The following GRM7 variants were observed in gnomAD, a reference collection of about 807,000 sequenced individuals.
GRM7 encodes metabotropic glutamate receptor 7.
In GRM7, 35 loss-of-function variants were observed where a neutral mutation model predicts 84.5. That is an observed-to-expected ratio of 0.41 (90% confidence interval 0.32 to 0.55). The LOEUF (loss-of-function observed/expected upper bound fraction) is 0.55, where lower values mean the gene tolerates loss of function less well. GRM7 is among the 20% of genes least tolerant of loss of function. The pLI, the probability that GRM7 is intolerant of heterozygous loss-of-function variation, is 0.19. For missense variants in GRM7, 1,003 were observed against 1,194.6 expected (o/e 0.84, Z 2.36); for synonymous variants, 487 against 455.1 (o/e 1.07, Z -0.89).
At chr3:6,965,508 T>C (rs1281378392) in intron 1 of GRM7, among the ~76,000 whole-genome samples, 3 of 151,860 alleles carry the variant, frequency 2.0e-5, no homozygotes, top group Non-Finnish European at 4.4e-5. Context: ...TTTATGTTTT[T>C]ATTTTTGTAG....
At chr3:7,361,017 C>G (rs1693638361) in intron 4 of GRM7, among the ~76,000 whole-genome samples, 2 of 151,982 alleles carry the variant, frequency 1.3e-5, no homozygotes, top group African/African-American at 4.8e-5. Flanking sequence ...TGCCTAATTC[C>G]AAAAATTATC....
chr3:7,222,754 C>T (rs1696851918), intron 2 of GRM7, among the ~76,000 whole-genome samples: 1 of 152,176 alleles, frequency 6.6e-6, no homozygotes, highest in South Asian at 2.1e-4. Flanking sequence ...ATCTCAGTTT[C>T]CCTTATACAC....
chr3:7,480,073 G>A (rs1167847665), intron 7 of GRM7, among the ~76,000 whole-genome samples: 2 of 152,068 alleles, frequency 1.3e-5, no homozygotes, highest in African/African-American at 2.4e-5. Flanking sequence ...AAGGTCTCCT[G>A]TGTGCACTGC....
chr3:7,240,590 A>C (rs1010796335), intron 2 of GRM7, among the ~76,000 whole-genome samples: 9 of 152,176 alleles, frequency 5.9e-5, no homozygotes, highest in African/African-American at 2.2e-4. Context: ...TTCAAACCTG[A>C]AATATTCATC....
At chr3:7,352,494 G>T (rs947628972) in intron 4 of GRM7, among the ~76,000 whole-genome samples, 1 of 152,046 alleles carries the variant, frequency 6.6e-6, no homozygotes, top group Non-Finnish European at 1.5e-5. Flanking sequence ...CCCTGAAGAC[G>T]AGTCTCTGCT....
chr3:7,194,054 A>G (rs1173927759), intron 2 of GRM7, among the ~76,000 whole-genome samples: 1 of 152,174 alleles, frequency 6.6e-6, no homozygotes, highest in Non-Finnish European at 1.5e-5. Context: ...TCAAAGAGAC[A>G]TGCTCTCTTT....
intron 7 of GRM7, among the ~76,000 whole-genome samples, chr3:7,510,767 C>A (rs1559370399): frequency 6.6e-6 from 1 of 152,078 alleles, no homozygotes; most frequent in Non-Finnish European, 1.5e-5. Flanking sequence ...AATAATATGT[C>A]ATGACATAAA....
chr3:7,329,667 C>G (rs150303724), intron 4 of GRM7, among the ~76,000 whole-genome samples: 2,683 of 152,158 alleles, frequency 0.018, 78 homozygotes, highest in African/African-American at 0.061. Context: ...CTATATGTAA[C>G]TTAAAAGTAT....
rs192835827 is a variant in GRM7, at chr3:7,613,650, C to A, written c.2451+34293C>A. 1.7e-3 allele frequency among the ~76,000 whole-genome samples: 259 copies of A among 152,270 alleles called. 2 individuals carry two copies. Among genetic ancestry groups the A allele is most frequent in the African/African-American group, 5.6e-3 (233 of 41,560 alleles). ...TGAGCATTCTCCTGAACACATATGA[C>A]CCCTTCCTGTGGAAGTTAGATAATC... On this transcript the variant is annotated intron_variant, in intron 8 of 9. Transcript: ENST00000357716.
At chr3:7,316,094 A>C (rs1308523857) in intron 4 of GRM7, among the ~76,000 whole-genome samples, 1 of 151,496 alleles carries the variant, frequency 6.6e-6, no homozygotes, top group Non-Finnish European at 1.5e-5. Flanking sequence ...TACTGGGCAT[A>C]GAAAACACTG....
intron 5 of GRM7, among the ~76,000 whole-genome samples, chr3:7,448,366 G>A (rs924581437): frequency 2.0e-5 from 3 of 152,058 alleles, no homozygotes; most frequent in Non-Finnish European, 4.4e-5. Context: ...ATATCTCATT[G>A]GCTAGAATTG....
intron 1 of GRM7, among the ~76,000 whole-genome samples, chr3:6,890,018 G>A (rs952404474): frequency 3.1e-4 from 47 of 152,050 alleles, no homozygotes; most frequent in Non-Finnish European, 4.1e-4. Context: ...GTTTATTTGC[G>A]TAGAGGTGTT....
chr3:7,620,362 C>A (rs887891479), intron 8 of GRM7, among the ~76,000 whole-genome samples: 1 of 152,056 alleles, frequency 6.6e-6, no homozygotes, highest in South Asian at 2.1e-4. Flanking sequence ...TATCTATTTG[C>A]TCAACTAAAT....
At chr3:7,377,588 A>T (rs908927629) in intron 4 of GRM7, among the ~76,000 whole-genome samples, 3 of 152,180 alleles carry the variant, frequency 2.0e-5, no homozygotes, top group African/African-American at 7.2e-5. Context: ...AGAAAGAAAC[A>T]TTAAAATCAT....
At chr3:7,619,611 T>A (rs2125086948) in intron 8 of GRM7, among the ~76,000 whole-genome samples, 1 of 152,190 alleles carries the variant, frequency 6.6e-6, no homozygotes, top group East Asian at 1.9e-4. Flanking sequence ...AACTGCCCTG[T>A]TTTCCTCATG....
chr3:7,077,979 ACT>A (rs145674635), intron 1 of GRM7, among the ~76,000 whole-genome samples: 14,433 of 152,176 alleles, frequency 0.095, 950 homozygotes, highest in Non-Finnish European at 0.15. Flanking sequence ...TGCTGGCCAC[ACT>A]GTTTCTGTCA....
chr3:6,876,243 G>A (rs1447247067), intron 1 of GRM7, among the ~76,000 whole-genome samples: 1 of 152,022 alleles, frequency 6.6e-6, no homozygotes, highest in Non-Finnish European at 1.5e-5. Context: ...ACTCCAATCT[G>A]GGTGACAGAG....
chr3:7,369,999 G>C (rs1575232225), intron 4 of GRM7, among the ~76,000 whole-genome samples: 1 of 152,098 alleles, frequency 6.6e-6, no homozygotes, highest in Admixed American at 6.6e-5. Context: ...ATCTCTCTGG[G>C]AAAAAATAAC....
chr3:7,467,723 G>T (rs1698520158), intron 7 of GRM7, among the ~76,000 whole-genome samples: 1 of 151,958 alleles, frequency 6.6e-6, no homozygotes, highest in Non-Finnish European at 1.5e-5. Flanking sequence ...AATGCTCTCT[G>T]GATTGTTTAG....
Sources: allele counts gnomAD v4.1 joint callset (sites outside exome capture counted in the v4.1 genomes callset), GRCh38; gene constraint gnomAD v4.1.1; transcripts MANE v1.5; gene names NCBI Gene and HGNC (gene_info 2026-07-23, HGNC 2026-07-21).